ADGRV1: variants seen among roughly 807,000 people sequenced by gnomAD.
ADGRV1 encodes the protein G-protein coupled receptor 98.
Under a neutral mutation model 596.2 loss-of-function variants are expected in ADGRV1, and 359 were observed. The ratio of observed to expected loss-of-function variants is 0.60; its 90% CI spans 0.55 to 0.66. ADGRV1 has a LOEUF of 0.66. ADGRV1 is among the 30% of genes least tolerant of loss of function. ADGRV1 has a pLI of 0.00. For missense variants in ADGRV1, 7,274 were observed against 7,575.6 expected (o/e 0.96, Z 1.48); for synonymous variants, 2,681 against 2,679.2 (o/e 1.00, Z -0.02).
intron 59 of ADGRV1, among the ~76,000 whole-genome samples, chr5:90,772,835 G>C (rs1757834652): frequency 6.6e-6 from 1 of 152,118 alleles, no homozygotes; most frequent in South Asian, 2.1e-4. Flanking sequence ...CTTGCAAATA[G>C]TATAAAGGCA....
intron 85 of ADGRV1, among the ~76,000 whole-genome samples, chr5:91,041,566 C>G (rs1187317935): frequency 6.6e-6 from 1 of 151,614 alleles, no homozygotes; most frequent in South Asian, 2.1e-4. Context: ...AGTAAACCAC[C>G]ATGGCACATG....
chr5:90,687,933 AT>A (rs1325929695), intron 29 of ADGRV1, among the ~76,000 whole-genome samples: 1 of 152,202 alleles, frequency 6.6e-6, no homozygotes, highest in East Asian at 1.9e-4. Context: ...TTCCATGCTC[AT>A]GGGTAGGAAG....
At position 90,685,888 on chromosome 5, in the gene ADGRV1, G is replaced by T. The variant is rs149390094; in HGVS notation, c.6383G>T (p.Arg2128Leu). 2.5e-6 allele frequency: 4 copies of T among 1,612,312 alleles called. No homozygotes were observed. In the East Asian group the frequency reaches 8.9e-5, roughly 36 times the overall value. ...GTLQLSAPIV[R>L]VAENHVGPII... ...CTTCAGCTCTCAGCACCAATTGTCC[G>T]AGTGGCAGAAAATCATGTTGGACCC... Residue 2128 changes from arginine (R) to leucine (L), a missense_variant, in exon 29 of 90, where the codon CGA becomes CTA. This residue lies in a region of ADGRV1 where 3,643 missense variants were observed against 3,809.2 expected (regional missense o/e 0.96). Coordinates refer to ENST00000405460, the MANE Select transcript of ADGRV1 (RefSeq NM_032119.4).
At chr5:91,057,379 G>C (rs1246166347) in intron 85 of ADGRV1, among the ~76,000 whole-genome samples, 1 of 152,136 alleles carries the variant, frequency 6.6e-6, no homozygotes, top group African/African-American at 2.4e-5. Context: ...AAGAAGTTTG[G>C]CTACAATTAA....
chr5:90,814,565 T>C (rs1361407337), intron 74 of ADGRV1, among the ~76,000 whole-genome samples: 3 of 152,054 alleles, frequency 2.0e-5, no homozygotes, highest in Non-Finnish European at 4.4e-5. Flanking sequence ...ATGCTGTTCT[T>C]GTGATAGTGA....
At chr5:90,559,009 AGGGCGGCGC>A (rs1754441602) in intron 1 of ADGRV1, 92 bp downstream of exon 1, 1 of 1,210,502 alleles carries the variant, frequency 8.3e-7, no homozygotes, top group Non-Finnish European at 1.1e-6. Context: ...GTGGGCGGCG[AGGGCGGCGC>A]GGAGGGCGGG....
intron 87 of ADGRV1, among the ~76,000 whole-genome samples, chr5:91,128,854 G>A (rs1170602803): frequency 6.6e-6 from 1 of 152,124 alleles, no homozygotes; most frequent in Non-Finnish European, 1.5e-5. Flanking sequence ...GGAAATAAAT[G>A]CTCTTTTTAA....
At chr5:90,831,189 C>G (rs1367346746) in intron 77 of ADGRV1, among the ~76,000 whole-genome samples, 1 of 151,780 alleles carries the variant, frequency 6.6e-6, no homozygotes, top group Non-Finnish European at 1.5e-5. Context: ...TCCATAACTG[C>G]ATGAGCTAAT....
At chr5:90,882,045 A>G (rs561405870) in intron 83 of ADGRV1, among the ~76,000 whole-genome samples, 1 of 152,178 alleles carries the variant, frequency 6.6e-6, no homozygotes, top group Admixed American at 6.5e-5. Context: ...CAACATTTAT[A>G]CCAAGGACTG....
chr5:90,935,248 G>A (rs551056945), intron 83 of ADGRV1, among the ~76,000 whole-genome samples: 1 of 152,292 alleles, frequency 6.6e-6, no homozygotes, highest in South Asian at 2.1e-4. Context: ...AAATTAGATT[G>A]TTCAGCTCTA....
At chr5:90,939,413 A>G (rs1216945737) in intron 83 of ADGRV1, among the ~76,000 whole-genome samples, 1 of 152,192 alleles carries the variant, frequency 6.6e-6, no homozygotes, top group Non-Finnish European at 1.5e-5. Flanking sequence ...TTCATTATTC[A>G]AATACCAGCG....
intron 85 of ADGRV1, among the ~76,000 whole-genome samples, chr5:91,062,461 C>G (rs1362305424): frequency 6.6e-6 from 1 of 152,188 alleles, no homozygotes; most frequent in East Asian, 1.9e-4. Context: ...AGGGGTCCCC[C>G]TTTCCAGAAA....
At chr5:90,799,434 A>G (rs1337749004) in intron 70 of ADGRV1, among the ~76,000 whole-genome samples, 1 of 152,248 alleles carries the variant, frequency 6.6e-6, no homozygotes, top group African/African-American at 2.4e-5. Context: ...GAGAGGACAC[A>G]AACAAATGGG....
chr5:91,116,158 A>C (rs1792835146), intron 87 of ADGRV1, among the ~76,000 whole-genome samples: 1 of 152,204 alleles, frequency 6.6e-6, no homozygotes, highest in Non-Finnish European at 1.5e-5. Flanking sequence ...TTAGATAGAT[A>C]GGTCTGGGAA....
At chr5:90,822,685 T>C (rs1262339764) in intron 75 of ADGRV1, among the ~76,000 whole-genome samples, 1 of 152,234 alleles carries the variant, frequency 6.6e-6, no homozygotes, top group African/African-American at 2.4e-5. Context: ...GGTAGCTTGA[T>C]GGGGTTGGCA....
chr5:91,030,890 A>G (rs1784429032), intron 85 of ADGRV1: 3 of 520,982 alleles, frequency 5.8e-6, no homozygotes, highest in Non-Finnish European at 9.8e-6. Context: ...CCCCACCACA[A>G]TTTCCTGAGA....
At chr5:91,045,625 G>A (rs1225313388) in intron 85 of ADGRV1, among the ~76,000 whole-genome samples, 1 of 152,018 alleles carries the variant, frequency 6.6e-6, no homozygotes, top group Non-Finnish European at 1.5e-5. Flanking sequence ...AGACAAGGAC[G>A]CCCACTCTCA....
chr5:90,759,075 T>G (rs1054010440), intron 57 of ADGRV1, among the ~76,000 whole-genome samples: 1 of 152,200 alleles, frequency 6.6e-6, no homozygotes, highest in African/African-American at 2.4e-5. Context: ...GATTTATTGT[T>G]TTTAATCTGT....
In ADGRV1 at chr5:91,119,369, A is replaced by G. The variant is rs541975642; in HGVS notation, c.18432+17029A>G. Among the ~76,000 whole-genome samples the G allele has an allele frequency of 7.2e-4, 109 of 152,310 alleles. 1 individual carries two copies. The highest frequency in any genetic ancestry group is 2.6e-3 in the African/African-American group (107 of 41,566). Reference sequence around the variant, plus strand: ...CTTATGTTTTTAGAGCTGTGCGAAGAAGAAAAATGTAGGCACACCACTGCT... The same window carrying G: ...CTTATGTTTTTAGAGCTGTGCGAAGGAGAAAAATGTAGGCACACCACTGCT... On this transcript the variant is annotated intron_variant, in intron 87 of 89. Transcript: ENST00000405460.
Sources: allele counts gnomAD v4.1 joint callset (sites outside exome capture counted in the v4.1 genomes callset), GRCh38; gene constraint gnomAD v4.1.1; regional missense constraint gnomAD v4.1.1; transcripts MANE v1.5; gene names NCBI Gene and HGNC (gene_info 2026-07-23, HGNC 2026-07-21).